The following FHIT variants were observed in gnomAD, a reference collection of about 807,000 sequenced individuals.
The protein encoded by FHIT is fragile histidine triad diadenosine triphosphatase, also known as bis(5'-adenosyl)-triphosphatase.
FHIT carries 19 observed loss-of-function variants against 17.9 expected under a neutral mutation model. The ratio of observed to expected loss-of-function variants is 1.06; its 90% CI spans 0.74 to 1.56. The LOEUF is 1.56. Among genes scored for constraint, FHIT ranks in the 40% most tolerant of loss-of-function variants. The probability of loss-of-function intolerance (pLI) is 0.00; values close to 1 mark genes in which losing one functional copy is unlikely to be tolerated. For missense variants in FHIT, 248 were observed against 189.2 expected, an observed-to-expected ratio of 1.31 and a Z score of -1.82; for synonymous variants, 81 against 69.7, an observed-to-expected ratio of 1.16 and a Z score of -0.81.
chr3:60,585,341 T>G (rs1465685856), intron 4 of FHIT, among the ~76,000 whole-genome samples: 1 of 152,054 alleles, frequency 6.6e-6, no homozygotes, highest in Non-Finnish European at 1.5e-5. Context: ...AAAGCAATTT[T>G]TGGAGTCAGA....
At chr3:60,783,048 T>C (rs1460497769) in intron 4 of FHIT, among the ~76,000 whole-genome samples, 2 of 152,166 alleles carry the variant, frequency 1.3e-5, no homozygotes, top group Non-Finnish European at 1.5e-5. Context: ...AGTGGCACAA[T>C]GTCAGCTCAC....
chr3:61,027,469 T>C (rs1559921217), intron 3 of FHIT, among the ~76,000 whole-genome samples: 2 of 152,260 alleles, frequency 1.3e-5, no homozygotes, highest in Non-Finnish European at 2.9e-5. Context: ...AATAGAGTGC[T>C]ACATGTATCT....
chr3:60,165,714 C>T (rs1056169460), intron 5 of FHIT, among the ~76,000 whole-genome samples: 9 of 152,168 alleles, frequency 5.9e-5, no homozygotes, highest in Non-Finnish European at 1.2e-4. Context: ...AATTCCTTTT[C>T]CCCTTACTCT....
At chr3:60,165,075 C>T (rs1701111038) in intron 5 of FHIT, among the ~76,000 whole-genome samples, 1 of 152,060 alleles carries the variant, frequency 6.6e-6, no homozygotes, top group South Asian at 2.1e-4. Flanking sequence ...AGGCAAATAA[C>T]CTGAATGAGT....
At chr3:59,827,248 T>G (rs113229601) in intron 8 of FHIT, among the ~76,000 whole-genome samples, 2 of 152,244 alleles carry the variant, frequency 1.3e-5, no homozygotes, top group African/African-American at 4.8e-5. Flanking sequence ...TTGACTGATT[T>G]CTTTTCACTG....
chr3:60,566,599 C>T (rs75459573), intron 4 of FHIT, among the ~76,000 whole-genome samples: 48,292 of 151,530 alleles, frequency 0.32, 7,925 homozygotes, highest in South Asian at 0.43. Flanking sequence ...GTGTTGGAAG[C>T]TCTGGCCAGG....
At chr3:60,198,960 T>C (rs1702770497) in intron 5 of FHIT, among the ~76,000 whole-genome samples, 1 of 152,170 alleles carries the variant, frequency 6.6e-6, no homozygotes, top group Non-Finnish European at 1.5e-5. Context: ...TCTCAGGTAA[T>C]GGGGAATGTA....
At chr3:60,067,216 T>A (rs1702553989) in intron 5 of FHIT, among the ~76,000 whole-genome samples, 1 of 152,102 alleles carries the variant, frequency 6.6e-6, no homozygotes, top group Non-Finnish European at 1.5e-5. Flanking sequence ...TTAGGGGAAA[T>A]ATCTAAAAAA....
At chr3:60,203,235 G>C (rs1465496293) in intron 5 of FHIT, among the ~76,000 whole-genome samples, 1 of 151,712 alleles carries the variant, frequency 6.6e-6, no homozygotes, top group Non-Finnish European at 1.5e-5. Flanking sequence ...AAAACACAAA[G>C]TTAAAAAAAA....
chr3:60,677,108 C>A (rs1330167244), intron 4 of FHIT, among the ~76,000 whole-genome samples: 2 of 151,974 alleles, frequency 1.3e-5, no homozygotes, highest in African/African-American at 4.8e-5. Flanking sequence ...AACTCCTGGG[C>A]TCAATTGATC....
chr3:61,063,103 C>CA (rs1396087820), intron 2 of FHIT, among the ~76,000 whole-genome samples: 1 of 151,648 alleles, frequency 6.6e-6, no homozygotes, highest in Admixed American at 6.6e-5. Flanking sequence ...ACTAAAAATA[C>CA]AAAAAATTAG....
intron 5 of FHIT, among the ~76,000 whole-genome samples, chr3:60,298,284 C>T (rs1431561417): frequency 1.3e-5 from 2 of 152,046 alleles, no homozygotes; most frequent in Non-Finnish European, 2.9e-5. Flanking sequence ...GGAGATAAGG[C>T]TCAAAGTTCT....
At chr3:60,479,158 T>C (rs1204574709) in intron 5 of FHIT, among the ~76,000 whole-genome samples, 2 of 152,204 alleles carry the variant, frequency 1.3e-5, no homozygotes, top group Non-Finnish European at 2.9e-5. Context: ...GATCACATTA[T>C]TGATTCTCAA....
chr3:59,854,593 G>A (rs1192171761), intron 8 of FHIT, among the ~76,000 whole-genome samples: 1 of 152,056 alleles, frequency 6.6e-6, no homozygotes, highest in Non-Finnish European at 1.5e-5. Context: ...CACAGTGCAG[G>A]GCAGAATCCA....
At chr3:60,569,743 A>ATT (rs1559547619) in intron 4 of FHIT, among the ~76,000 whole-genome samples, 1 of 74,586 alleles carries the variant, frequency 1.3e-5, no homozygotes, top group African/African-American at 5.7e-5. Context: ...ATATATATAT[A>ATT]TATATATATA....
intron 5 of FHIT, among the ~76,000 whole-genome samples, chr3:60,088,348 G>C (rs151045056): frequency 6.6e-6 from 1 of 152,300 alleles, no homozygotes; most frequent in Non-Finnish European, 1.5e-5. Context: ...CCACATGGTA[G>C]AGTGGAAAGA....
intron 1 of FHIT, among the ~76,000 whole-genome samples, chr3:61,249,197 A>G (rs899156483): frequency 3.9e-5 from 6 of 152,182 alleles, no homozygotes; most frequent in African/African-American, 1.4e-4. Context: ...TGGAATGAAA[A>G]TAACCCTGGA....
At chr3:60,418,617 T>A (rs1702355396) in intron 5 of FHIT, among the ~76,000 whole-genome samples, 1 of 148,220 alleles carries the variant, frequency 6.7e-6, no homozygotes, top group East Asian at 2.0e-4. Flanking sequence ...ATTAAATCCT[T>A]CTTCATTCTT....
intron 4 of FHIT, among the ~76,000 whole-genome samples, chr3:60,545,700 T>C (rs946170010): frequency 2.0e-5 from 3 of 152,226 alleles, no homozygotes; most frequent in Admixed American, 1.3e-4. Flanking sequence ...ATAGCACTGT[T>C]GTTAAGAGAA....
Sources: allele counts gnomAD v4.1 joint callset (sites outside exome capture counted in the v4.1 genomes callset), GRCh38; gene constraint gnomAD v4.1.1; transcripts MANE v1.5; gene names NCBI Gene and HGNC (gene_info 2026-07-23, HGNC 2026-07-21).